The following NRCAM variants were observed in gnomAD, a reference collection of about 807,000 sequenced individuals.
NRCAM encodes the protein neuronal cell adhesion molecule.
NRCAM carries 83 observed loss-of-function variants against 156.5 expected under a neutral mutation model. The ratio of observed to expected loss-of-function variants is 0.53; its 90% CI spans 0.44 to 0.64. NRCAM has a LOEUF of 0.64. Ranked by LOEUF, NRCAM falls within the 30% of genes least tolerant of loss-of-function variation. The pLI is 0.00. For synonymous variants in NRCAM, 538 were observed against 563.9 expected (o/e 0.95, Z 0.65); for missense variants, 1,417 against 1,597.3 (o/e 0.89, Z 1.92).
At chr7:108,230,624 T>C (rs1345052421) in intron 8 of NRCAM, among the ~76,000 whole-genome samples, 1 of 152,200 alleles carries the variant, frequency 6.6e-6, no homozygotes. Flanking sequence ...ACAGCAGAGA[T>C]GCTCCTTCCT....
chr7:108,200,513 G>A (rs2153515218), intron 13 of NRCAM, among the ~76,000 whole-genome samples: 1 of 152,226 alleles, frequency 6.6e-6, no homozygotes, highest in South Asian at 2.1e-4. Context: ...TATGACTGGG[G>A]CCTGACTCAC....
In NRCAM at chr7:108,149,969, C is replaced by T. The variant is rs1325379822; in HGVS notation, c.3856G>A (p.Glu1286Lys). Residue 1286 changes from glutamate (E) to lysine (K), a missense_variant, in exon 33 of 33, where the codon GAA (glutamate) becomes AAA (lysine). Coordinates refer to ENST00000379028, the MANE Select transcript of NRCAM (RefSeq NM_001037132.4). ...YSGKKEKEPAEGNESSEAPSP... is the reference protein window; with the variant it reads ...YSGKKEKEPAKGNESSEAPSP... ...GGTGCCTCTGAGCTTTCGTTTCCTT[C>T]AGCCGGCTCTTTCTCTTTCTTACCA... The T allele has an allele frequency of 6.2e-7, 1 of 1,613,992 alleles. No homozygotes were observed. The highest frequency in any genetic ancestry group is 8.5e-7 in the Non-Finnish European group (1 of 1,179,944).
At chr7:108,218,709 C>T (rs757162977) in intron 11 of NRCAM, among the ~76,000 whole-genome samples, 1 of 152,100 alleles carries the variant, frequency 6.6e-6, no homozygotes, top group Non-Finnish European at 1.5e-5. Context: ...ACAGCAGAGG[C>T]GGTGCTAAGA....
intron 1 of NRCAM, among the ~76,000 whole-genome samples, chr7:108,420,781 T>C: frequency 6.6e-6 from 1 of 152,228 alleles, no homozygotes; most frequent in Non-Finnish European, 1.5e-5. Context: ...ATAACCTAGA[T>C]GGCTCATGCC....
Position 108,195,867 on chromosome 7 carries a change from G to C in NRCAM, c.1357C>G (p.Pro453Ala), listed in dbSNP as rs115891479. The C allele has an allele frequency of 9.6e-5, 153 of 1,596,634 alleles. 2 individuals carry two copies. In the African/African-American group the frequency reaches 1.8e-3, roughly 19 times the overall value. ...TTTGCAGGTGTGAGGATTCGTGGTG[G>C]CTCAGCTACAAATATTTTTAAAAGG... Reference protein sequence around the residue: ...ANAFVNVLAEPPRILTPANTL... With the variant: ...ANAFVNVLAEAPRILTPANTL... The change falls in exon 15 of 33, where the codon CCA (proline) becomes GCA (alanine). Residue 453 changes from proline to alanine, a missense_variant. Around this residue, in one of 2 missense-constraint regions of NRCAM, gnomAD observed 1,238 missense variants for 1,336.4 expected, o/e 0.93. Transcript: ENST00000379028.
In NRCAM at chr7:108,194,401, A is replaced by C. The variant is rs771453079; in HGVS notation, c.1491T>G (p.Leu497=). The C allele has an allele frequency of 6.2e-7, 1 of 1,610,066 alleles. No individual in the cohort carries two copies. Among genetic ancestry groups the C allele is most frequent in the East Asian group, 2.2e-5 (1 of 44,870 alleles). The part of the protein sequence containing the change: ...EWFKGAKGSA[L]HEDIYVLHEN... ...CATGTAAAACATAAATATCTTCATG[A>C]AGAGCACTTCCTTTAGCTCCTTTAA... The change falls in exon 16 of 33, where the codon CTT becomes CTG. Residue 497 remains leucine, a synonymous_variant. Coordinates refer to ENST00000379028, the MANE Select transcript of NRCAM (RefSeq NM_001037132.4).
rs147694897 is a variant in NRCAM, at chr7:108,253,463, C to T, written c.-106-13293G>A. Among the ~76,000 whole-genome samples the T allele has an allele frequency of 5.5e-4, 83 of 152,166 alleles. No individual in the cohort carries two copies. In the East Asian group the frequency reaches 6.2e-3, roughly 11 times the overall value. On this transcript the variant is annotated intron_variant, in intron 3 of 32. Transcript: ENST00000379028. Reference sequence around the variant, plus strand: ...AGGGAAGCCATGAGTAAAGTCCAAGCGTATAGTGTGTTTCTGGCAAGTGCC... The same window carrying T: ...AGGGAAGCCATGAGTAAAGTCCAAGTGTATAGTGTGTTTCTGGCAAGTGCC...
Position 108,203,959 on chromosome 7 carries a change from G to T in NRCAM, c.1207+3569C>A, listed in dbSNP as rs116251815. Among the ~76,000 whole-genome samples the T allele has an allele frequency of 6.2e-3, 946 of 152,238 alleles. 13 individuals carry two copies. Among genetic ancestry groups the T allele is most frequent in the African/African-American group, 0.022 (903 of 41,536 alleles). On this transcript the variant is annotated intron_variant, in intron 13 of 32. Transcript: ENST00000379028. The stretch of plus-strand genomic sequence containing the variant: ...GTGCTAATTCAGCCCTGTCACACAT[G>T]GTGGCAGACTGTGCCCTCAGTTCCT...
intron 2 of NRCAM, among the ~76,000 whole-genome samples, chr7:108,357,334 CTTT>C (rs35117899): frequency 7.1e-6 from 1 of 141,592 alleles, no homozygotes; most frequent in Admixed American, 7.0e-5. Flanking sequence ...GTGGGGCCAA[CTTT>C]TTTTTTTTTT....
At chr7:108,421,064 A>C (rs1808958622) in intron 1 of NRCAM, among the ~76,000 whole-genome samples, 1 of 152,216 alleles carries the variant, frequency 6.6e-6, no homozygotes, top group African/African-American at 2.4e-5. Context: ...TAGCATACAC[A>C]GAAAAGCAAC....
intron 2 of NRCAM, among the ~76,000 whole-genome samples, chr7:108,350,793 T>C (rs1165726454): frequency 6.6e-6 from 1 of 152,208 alleles, no homozygotes; most frequent in Non-Finnish European, 1.5e-5. Context: ...ATTTAACATA[T>C]TTGAAATCAG....
intron 2 of NRCAM, among the ~76,000 whole-genome samples, chr7:108,354,882 G>A (rs193197882): frequency 4.5e-4 from 67 of 150,548 alleles, no homozygotes; most frequent in African/African-American, 1.4e-3. Flanking sequence ...CAACAAGAGC[G>A]AAACTCTGTC....
intron 3 of NRCAM, among the ~76,000 whole-genome samples, chr7:108,278,706 C>T (rs990725579): frequency 8.5e-5 from 13 of 152,238 alleles, no homozygotes; most frequent in Admixed American, 5.9e-4. Context: ...TGACCCCTTG[C>T]GCTTCCCCAG....
Position 108,147,661 on chromosome 7 carries a change from C to CTGTT in NRCAM, c.*2245_*2248dup, listed in dbSNP as rs1320812930. ...GTTAAAAGTCACAAAGAGATCAAGA[C>CTGTT]TGTTTAATAGTTACTTTTTTGAGGG... On this transcript the variant is annotated 3_prime_UTR_variant, in exon 33 of 33. Coordinates refer to ENST00000379028, the MANE Select transcript of NRCAM (RefSeq NM_001037132.4). 1.3e-5 allele frequency: 2 copies of CTGTT among 152,258 alleles called. No homozygotes were observed. Among genetic ancestry groups the CTGTT allele is most frequent in the Admixed American group, 6.5e-5 (1 of 15,278 alleles). The allele number at this position is 152,258 out of a possible 1,614,324, so 9.4% of individuals were successfully genotyped here.
chr7:108,383,902 A>T (rs954164018), intron 2 of NRCAM, among the ~76,000 whole-genome samples: 5 of 152,210 alleles, frequency 3.3e-5, no homozygotes, highest in African/African-American at 9.7e-5. Context: ...CCATCATGAT[A>T]ACATACCATT....
At chr7:108,388,025 G>A (rs1369455904) in intron 2 of NRCAM, among the ~76,000 whole-genome samples, 11 of 152,154 alleles carry the variant, frequency 7.2e-5, no homozygotes, top group Admixed American at 7.2e-4. Flanking sequence ...ACATATGTGT[G>A]CATGTGTCTT....
chr7:108,160,966 T>C (rs2048564660), intron 30 of NRCAM, among the ~76,000 whole-genome samples: 1 of 152,206 alleles, frequency 6.6e-6, no homozygotes, highest in African/African-American at 2.4e-5. Context: ...CTGTTGCCAT[T>C]TTCAGTATTT....
chr7:108,186,325 A>T (rs978609018), intron 20 of NRCAM, among the ~76,000 whole-genome samples: 2 of 152,212 alleles, frequency 1.3e-5, no homozygotes, highest in East Asian at 3.8e-4. Flanking sequence ...TGTCTGCTCG[A>T]CAATTCCACT....
intron 30 of NRCAM, among the ~76,000 whole-genome samples, chr7:108,160,921 G>A (rs1431893202): frequency 6.6e-6 from 1 of 152,094 alleles, no homozygotes; most frequent in South Asian, 2.1e-4. Context: ...CTCTTCAAAG[G>A]AACTGCTTTT....
Sources: allele counts gnomAD v4.1 joint callset (sites outside exome capture counted in the v4.1 genomes callset), GRCh38; gene constraint gnomAD v4.1.1; regional missense constraint gnomAD v4.1.1; transcripts MANE v1.5; gene names NCBI Gene and HGNC (gene_info 2026-07-23, HGNC 2026-07-21).